NOXA1: variants seen among roughly 807,000 people sequenced by gnomAD.
The protein encoded by NOXA1 is NADPH oxidase activator 1, also known as NCF2-like protein.
In NOXA1, 56 loss-of-function variants were observed where a neutral mutation model predicts 64.8. The observed-to-expected ratio is 0.86, with a 90% CI of 0.70 to 1.08. The LOEUF (loss-of-function observed/expected upper bound fraction) is 1.08. NOXA1 is among the 50% of genes least tolerant of loss of function. The pLI, the probability that NOXA1 is intolerant of heterozygous loss-of-function variation, is 0.00. For missense variants in NOXA1, 668 were observed against 658.5 expected, an observed-to-expected ratio of 1.01 and a Z score of -0.16; for synonymous variants, 295 against 294.8, an observed-to-expected ratio of 1.00 and a Z score of -0.01.
chr9:137,429,186 G>A (rs1838979047), intron 4 of NOXA1, 90 bp from the exon 5 acceptor site: 4 of 1,335,580 alleles, frequency 3.0e-6, no homozygotes, highest in Admixed American at 2.8e-5. Context: ...GGGCCCAAGC[G>A]GCCCCTTCTG....
chr9:137,429,131 G>C (rs541148044), intron 4 of NOXA1, 115 bp downstream of exon 4: 2 of 1,405,262 alleles, frequency 1.4e-6, no homozygotes, highest in Admixed American at 2.9e-5. Context: ...GCCCAGTTTC[G>C]GGTGCCAGGC....
Position 137,429,029 on chromosome 9 carries a change from A to G in NOXA1, c.504+13A>G. On this transcript the variant is annotated intron_variant, in intron 4 of 13. Transcript: ENST00000683555. ...GGACCAAGTGCAGGTGAGGAGTGCC[A>G]GCCCGGTCATGGTTTTGGGCTGGTG... 1 of 1,535,700 alleles carries G rather than the reference A, an allele frequency of 6.5e-7. No homozygotes were observed. Among genetic ancestry groups the G allele is most frequent in the Non-Finnish European group, 8.8e-7 (1 of 1,139,628 alleles).
Position 137,433,573 on chromosome 9 carries a change from G to T in NOXA1, c.1030G>T (p.Ala344Ser), listed in dbSNP as rs1346722120. 1 of 1,562,562 alleles carries T rather than the reference G, an allele frequency of 6.4e-7. No homozygotes were observed. Among genetic ancestry groups the T allele is most frequent in the Non-Finnish European group, 8.7e-7 (1 of 1,155,866 alleles). Residue 344 changes from alanine (A) to serine (S), a missense_variant, in exon 11 of 14, where the codon GCC (alanine) becomes TCC (serine). Physicochemically the swap from Ala to Ser is moderately conservative, Grantham distance 99. Transcript: ENST00000683555. ...LSSLRALLGQ[A>S]LPHQAQLGQL... ...CAGCCTGCGGGCACTGCTGGGCCAA[G>T]CCCTCCCTCACCAGGCCCAGCTTGG...
At chr9:137,424,467 G>T (rs1031963463) in intron 1 of NOXA1, among the ~76,000 whole-genome samples, 3 of 152,126 alleles carry the variant, frequency 2.0e-5, no homozygotes, top group Non-Finnish European at 2.9e-5. Context: ...ATGGAGTCTC[G>T]TTCTGTCACC....
chr9:137,431,814 A>G lies in NOXA1; in HGVS notation c.804+473A>G, dbSNP rs774146083. The stretch of plus-strand genomic sequence containing the variant: ...TGGGGAGAGGCGGAGGAAGGCAGGA[A>G]CCCCAGCTGCTCCCAGGGTGGCAGC... On this transcript the variant is annotated intron_variant, in intron 8 of 13. Transcript: ENST00000683555. This position sits in a 1 kb window ranked among gnomAD's most constrained non-coding sequence, Gnocchi z 5.6. Among the ~76,000 whole-genome samples the G allele has an allele frequency of 1.4e-4, 22 of 152,154 alleles. No individual in the cohort carries two copies. Among genetic ancestry groups the G allele is most frequent in the Middle Eastern group, 3.4e-3 (1 of 294 alleles).
intron 1 of NOXA1, among the ~76,000 whole-genome samples, chr9:137,424,559 C>G (rs976196165): frequency 1.3e-5 from 2 of 152,188 alleles, no homozygotes; most frequent in Non-Finnish European, 2.9e-5. Flanking sequence ...CCTGCCTCAG[C>G]CTCCCTAGTT....
At position 137,423,695 on chromosome 9, in the gene NOXA1, G is replaced by T; in HGVS notation, c.166G>T (p.Ala56Ser). Residue 56 changes from alanine (A) to serine (S), a missense_variant, in exon 1 of 14, where the codon GCC (alanine) becomes TCC (serine). Physicochemically the swap from Ala to Ser is moderately conservative, Grantham distance 99 (BLOSUM62 1). Coordinates refer to ENST00000683555, the MANE Select transcript of NOXA1 (RefSeq NM_001256067.2). ...CVHLLAGDPE[A>S]ALRAFDQAVT... ...GCACCTGCTGGCCGGGGACCCCGAG[G>T]CCGCGCTGCGGGTGAGCGGGGCGTG... 1 of 1,325,898 alleles carries T rather than the reference G, an allele frequency of 7.5e-7. No individual in the cohort carries two copies. Among genetic ancestry groups the T allele is most frequent in the East Asian group, 3.2e-5 (1 of 30,824 alleles). 82.1% of individuals were successfully genotyped at this position (1,325,898 alleles called of 1,614,324 possible).
In NOXA1 at chr9:137,431,388, C is replaced by A; in HGVS notation, c.804+47C>A. On this transcript the variant is annotated intron_variant, in intron 8 of 13. Coordinates refer to ENST00000683555, the MANE Select transcript of NOXA1 (RefSeq NM_001256067.2). This position sits in a 1 kb window ranked among gnomAD's most constrained non-coding sequence, Gnocchi z 5.6. The stretch of plus-strand genomic sequence containing the variant: ...CCCCTGCTGGGGGTCGGTGCTTCTG[C>A]TGCCTCCGCAGACTGGGGACCACAA... 2 of 1,482,374 alleles carry A rather than the reference C, an allele frequency of 1.3e-6. No homozygotes were observed. Among genetic ancestry groups the A allele is most frequent in the South Asian group, 1.1e-5 (1 of 88,304 alleles). The allele number at this position is 1,482,374 out of a possible 1,614,324, so 91.8% of individuals were successfully genotyped here.
Position 137,434,270 on chromosome 9 carries a change from C to T in NOXA1, c.1341C>T (p.Ile447=). The T allele has an allele frequency of 6.2e-7, 1 of 1,611,118 alleles. No homozygotes were observed. Among genetic ancestry groups the T allele is most frequent in the Non-Finnish European group, 8.5e-7 (1 of 1,179,656 alleles). The change falls in exon 14 of 14, where the codon ATC becomes ATT. Residue 447 remains isoleucine, a synonymous_variant. Coordinates refer to ENST00000683555, the MANE Select transcript of NOXA1 (RefSeq NM_001256067.2). ...LEGHCDGRIG[I]FPKCFVVPAG... is the part of the protein sequence containing the mutation. ...GCCACTGTGACGGCCGCATCGGCAT[C>T]TTCCCCAAGTGCTTCGTGGTCCCCG...
intron 4 of NOXA1, 108 bp downstream of exon 4, chr9:137,429,124 C>T: frequency 2.1e-6 from 3 of 1,405,288 alleles, no homozygotes; most frequent in Non-Finnish European, 2.8e-6. Flanking sequence ...CCCTAGTGCC[C>T]AGTTTCGGGT....
chr9:137,427,933 C>A, intron 2 of NOXA1, 100 bp from the exon 3 acceptor site: 1 of 763,898 alleles, frequency 1.3e-6, no homozygotes, highest in Non-Finnish European at 2.2e-6. Flanking sequence ...CTCCTTGGAA[C>A]CAGGTGTTGG....
At position 137,429,026 on chromosome 9, in the gene NOXA1, G is replaced by A; in HGVS notation, c.504+10G>A. ...CCTGGACCAAGTGCAGGTGAGGAGT[G>A]CCAGCCCGGTCATGGTTTTGGGCTG... is the stretch of plus-strand genomic sequence containing the variant. On this transcript the variant is annotated intron_variant, in intron 4 of 13. Coordinates refer to ENST00000683555, the MANE Select transcript of NOXA1 (RefSeq NM_001256067.2). 1 of 1,538,684 alleles carries A rather than the reference G, an allele frequency of 6.5e-7. No individual in the cohort carries two copies. Among genetic ancestry groups the A allele is most frequent in the South Asian group, 1.2e-5 (1 of 80,362 alleles).
intron 5 of NOXA1, 67 bp downstream of exon 5, chr9:137,429,450 G>A (rs1280133183): frequency 7.6e-6 from 9 of 1,182,156 alleles, no homozygotes; most frequent in Non-Finnish European, 1.1e-5. Flanking sequence ...TGTTCCCAGG[G>A]ATGGGGGGAG....
Position 137,433,789 on chromosome 9 carries a change from C to T in NOXA1, c.1104C>T (p.Ile368=). 4.1e-6 allele frequency: 6 copies of T among 1,454,650 alleles called. No individual in the cohort carries two copies. Among genetic ancestry groups the T allele is most frequent in the Non-Finnish European group, 5.5e-6 (6 of 1,100,136 alleles). 90.1% of individuals were successfully genotyped at this position (1,454,650 alleles called of 1,614,324 possible). The change falls in exon 12 of 14, where the codon ATC becomes ATT. Residue 368 remains isoleucine, a synonymous_variant. Transcript: ENST00000683555. ...APGEDGHWVP[I]PEEESLQRAW... is the part of the protein sequence containing the mutation. ...GTGAGGACGGGCACTGGGTCCCCAT[C>T]CCCGAGGAGGAGTCGCTGCAGAGGG...
chr9:137,433,915 C>T (rs1400285012), intron 12 of NOXA1, 50 bp from the exon 13 acceptor site: 38 of 1,501,284 alleles, frequency 2.5e-5, no homozygotes, highest in Non-Finnish European at 3.1e-5. Flanking sequence ...GCGGTGGAGG[C>T]CCCTCCTCCC....
chr9:137,430,786 G>A lies in NOXA1; in HGVS notation c.615G>A (p.Val205=). 1 of 1,594,818 alleles carries A rather than the reference G, an allele frequency of 6.3e-7. No homozygotes were observed. The highest frequency in any genetic ancestry group is 1.3e-5 in the African/African-American group (1 of 74,714). Residue 205 remains valine (V), a splice_region_variant and synonymous_variant, in exon 6 of 14, where the codon GTG becomes GTA. Coordinates refer to ENST00000683555, the MANE Select transcript of NOXA1 (RefSeq NM_001256067.2). ...EPVDFLGKAK[V]VASAIPDDQG... is the part of the protein sequence containing the mutation. ...AGCGTCCCCACTGTCCCCGCCAGGT[G>A]GTGGCCTCTGCCATCCCCGACGACC...
chr9:137,429,528 G>C (rs958781089), intron 5 of NOXA1, 145 bp downstream of exon 5: 1 of 619,262 alleles, frequency 1.6e-6, no homozygotes, highest in Non-Finnish European at 2.8e-6. Flanking sequence ...TCAAACTGGC[G>C]CCCACGGTAG....
intron 1 of NOXA1, 94 bp downstream of exon 1, chr9:137,423,800 C>T (rs970050637): frequency 9.8e-6 from 10 of 1,020,436 alleles, no homozygotes; most frequent in Admixed American, 4.5e-5. Flanking sequence ...CACGGGGTCG[C>T]CCTGCCGCCC....
Position 137,429,327 on chromosome 9 carries a change from C to T in NOXA1, c.556C>T (p.Pro186Ser). The change falls in exon 5 of 14, where the codon CCC becomes TCC. Residue 186 changes from proline to serine, a missense_variant. Physicochemically the swap from Pro to Ser is moderately conservative, Grantham distance 74. Coordinates refer to ENST00000683555, the MANE Select transcript of NOXA1 (RefSeq NM_001256067.2). The stretch of plus-strand genomic sequence containing the variant: ...GGTCCCCAGGGGCGAGGTCTTCCGG[C>T]CCCACCGGTGGCACCTGAAGCACTT... ...RQVPRGEVFR[P>S]HRWHLKHLEP... 1 of 1,582,482 alleles carries T rather than the reference C, an allele frequency of 6.3e-7. No homozygotes were observed. Among genetic ancestry groups the T allele is most frequent in the South Asian group, 1.2e-5 (1 of 86,358 alleles).
Sources: allele counts gnomAD v4.1 joint callset (sites outside exome capture counted in the v4.1 genomes callset), GRCh38; gene constraint gnomAD v4.1.1; non-coding constraint Gnocchi (gnomAD v3.1); transcripts MANE v1.5; gene names NCBI Gene and HGNC (gene_info 2026-07-23, HGNC 2026-07-21).